The following CNBD1 variants were observed in gnomAD, a reference collection of about 807,000 sequenced individuals.
CNBD1 encodes cyclic nucleotide binding domain containing 1, also known as cyclic nucleotide-binding domain-containing protein 1.
Under a neutral mutation model 54.4 loss-of-function variants are expected in CNBD1, and 71 were observed. That is an observed-to-expected ratio of 1.30 (90% CI 1.08 to 1.59). The LOEUF is 1.59. Ranked by LOEUF, CNBD1 falls within the 40% of genes most tolerant of loss-of-function variation. The pLI, the probability that CNBD1 is intolerant of heterozygous loss-of-function variation, is 0.00. For missense variants in CNBD1, 659 were observed against 518.0 expected, an observed-to-expected ratio of 1.27 and a Z score of -2.64; for synonymous variants, 182 against 170.7, an observed-to-expected ratio of 1.07 and a Z score of -0.51.
chr8:87,007,061 G>T (rs1019871342), intron 4 of CNBD1, among the ~76,000 whole-genome samples: 21 of 152,108 alleles, frequency 1.4e-4, no homozygotes, highest in African/African-American at 4.8e-5. Flanking sequence ...GCCAGGCGTG[G>T]TGGTGGGCGC....
chr8:87,016,811 G>A (rs894166444), intron 4 of CNBD1, among the ~76,000 whole-genome samples: 2 of 152,126 alleles, frequency 1.3e-5, no homozygotes, highest in African/African-American at 4.8e-5. Context: ...CCCATTATAA[G>A]GTCTGTTTGC....
chr8:87,123,907 C>T lies in CNBD1; in HGVS notation c.432-82086C>T, dbSNP rs571315858. On this transcript the variant is annotated intron_variant, in intron 4 of 10. Transcript: ENST00000518476. ...TAGAAGAAATTGATAAATTTCTAGA[C>T]ACATGGACCCTACCAAGACTGAAAC... Among the ~76,000 whole-genome samples, 414 of 151,654 alleles carry T rather than the reference C, an allele frequency of 2.7e-3. 6 individuals carry two copies. The highest frequency in any genetic ancestry group is 8.3e-4 in the Non-Finnish European group (56 of 67,584).
intron 8 of CNBD1, among the ~76,000 whole-genome samples, chr8:87,295,601 C>T (rs925484601): frequency 2.6e-4 from 40 of 152,098 alleles, no homozygotes; most frequent in African/African-American, 9.4e-4. Flanking sequence ...CAGGCAACTA[C>T]TGAAGCTCTT....
chr8:87,015,193 G>A (rs1809327567), intron 4 of CNBD1, among the ~76,000 whole-genome samples: 1 of 152,058 alleles, frequency 6.6e-6, no homozygotes, highest in Non-Finnish European at 1.5e-5. Context: ...GGGGGAGGGG[G>A]CGAACGGAGT....
chr8:86,935,475 G>A (rs1400551267), intron 3 of CNBD1, among the ~76,000 whole-genome samples: 1 of 152,080 alleles, frequency 6.6e-6, no homozygotes, highest in African/African-American at 2.4e-5. Flanking sequence ...GTGTCAGTTT[G>A]GTAATTTGTA....
chr8:87,147,725 C>T (rs1026302090), intron 4 of CNBD1, among the ~76,000 whole-genome samples: 4 of 151,946 alleles, frequency 2.6e-5, no homozygotes, highest in African/African-American at 9.7e-5. Context: ...ACATGGGATG[C>T]TTCATAACTT....
At chr8:87,257,666 A>G (rs535813304) in intron 6 of CNBD1, among the ~76,000 whole-genome samples, 3 of 152,130 alleles carry the variant, frequency 2.0e-5, no homozygotes, top group Non-Finnish European at 4.4e-5. Context: ...CATGCTTAAC[A>G]TTGGATTTAT....
chr8:87,137,451 C>T (rs1424004231), intron 4 of CNBD1, among the ~76,000 whole-genome samples: 1 of 151,826 alleles, frequency 6.6e-6, no homozygotes, highest in South Asian at 2.1e-4. Context: ...ATCCGCCCGC[C>T]TCAGCCTCCC....
chr8:87,119,759 A>G (rs573527847), intron 4 of CNBD1, among the ~76,000 whole-genome samples: 55 of 152,108 alleles, frequency 3.6e-4, no homozygotes, highest in African/African-American at 1.2e-3. Flanking sequence ...TGTTCCTTCT[A>G]TGTCTAGTTT....
chr8:87,259,498 G>T (rs1188835483), intron 6 of CNBD1, among the ~76,000 whole-genome samples: 2 of 152,016 alleles, frequency 1.3e-5, no homozygotes, highest in South Asian at 2.1e-4. Context: ...TTTCCCAAAG[G>T]TTACTAAAGT....
intron 4 of CNBD1, among the ~76,000 whole-genome samples, chr8:86,955,154 G>A (rs1022756803): frequency 5.3e-5 from 8 of 152,022 alleles, no homozygotes; most frequent in African/African-American, 1.7e-4. Context: ...CCCTACAAAG[G>A]ACATGAACTC....
intron 2 of CNBD1, among the ~76,000 whole-genome samples, chr8:87,402,813 A>G (rs938984635): frequency 7.9e-5 from 12 of 152,122 alleles, no homozygotes; most frequent in Middle Eastern, 3.2e-3. Flanking sequence ...TGTGAAAATG[A>G]GAGCAGAAAA....
At chr8:86,887,959 A>G (rs1245926576) in intron 2 of CNBD1, among the ~76,000 whole-genome samples, 1 of 152,186 alleles carries the variant, frequency 6.6e-6, no homozygotes, top group Non-Finnish European at 1.5e-5. Context: ...GCCTCATTGA[A>G]ATATACTGGA....
chr8:87,237,840 A>T (rs1807613710), intron 6 of CNBD1, among the ~76,000 whole-genome samples: 1 of 152,144 alleles, frequency 6.6e-6, no homozygotes, highest in Non-Finnish European at 1.5e-5. Context: ...ATAAGCATGG[A>T]TCATATCCAG....
chr8:87,428,154 G>GA (rs112391540), intron 2 of CNBD1, among the ~76,000 whole-genome samples: 167 of 138,718 alleles, frequency 1.2e-3, no homozygotes, highest in Admixed American at 2.8e-3. Flanking sequence ...GGCAAAAAAA[G>GA]AAAAAAAAAA....
intron 10 of CNBD1, among the ~76,000 whole-genome samples, chr8:87,367,766 C>T (rs983578702): frequency 2.0e-5 from 3 of 152,070 alleles, no homozygotes; most frequent in Non-Finnish European, 2.9e-5. Flanking sequence ...TCAATGCTCT[C>T]TATCGAAAGG....
chr8:87,273,255 T>C (rs577373781), intron 6 of CNBD1, among the ~76,000 whole-genome samples: 40 of 151,976 alleles, frequency 2.6e-4, no homozygotes, highest in Non-Finnish European at 5.3e-4. Context: ...TCTGGTTGAA[T>C]TAAATATTCA....
intron 2 of CNBD1, among the ~76,000 whole-genome samples, chr8:86,900,899 A>G (rs1808922205): frequency 6.6e-6 from 1 of 152,138 alleles, no homozygotes; most frequent in African/African-American, 2.4e-5. Flanking sequence ...ACTTTATGAA[A>G]ATGAAAAGTT....
intron 4 of CNBD1, among the ~76,000 whole-genome samples, chr8:87,173,448 G>A (rs2130770641): frequency 6.6e-6 from 1 of 152,202 alleles, no homozygotes; most frequent in East Asian, 1.9e-4. Flanking sequence ...ACTCCCTTTA[G>A]CATTTCTTGT....
Sources: gnomAD v4.1 joint callset for allele counts (sites outside exome capture counted in the v4.1 genomes callset) on GRCh38, gnomAD v4.1.1 for gene constraint, MANE v1.5 for transcripts, NCBI Gene and HGNC (gene_info 2026-07-23, HGNC 2026-07-21) for gene names.